TCF7: variants seen among roughly 807,000 people sequenced by gnomAD.
The protein encoded by TCF7 is transcription factor 7.
Under a neutral mutation model 46.8 loss-of-function variants are expected in TCF7, and 19 were observed. The observed-to-expected ratio is 0.41, with a 90% CI of 0.28 to 0.60. TCF7 has a LOEUF of 0.60. TCF7 is among the 20% of genes least tolerant of loss of function. The pLI, the probability that TCF7 is intolerant of heterozygous loss-of-function variation, is 0.35. For synonymous variants in TCF7, 245 were observed against 213.4 expected (o/e 1.15, Z -1.29); for missense variants, 547 against 504.6 (o/e 1.08, Z -0.81).
At chr5:134,113,127 C>A (rs1337468976), upstream of TCF7, among the ~76,000 whole-genome samples, 1 of 152,240 alleles carries the variant, frequency 6.6e-6, no homozygotes, top group Non-Finnish European at 1.5e-5. Context: ...GCCCCCCCTT[C>A]CCCGCCAATC....
Position 134,146,097 on chromosome 5 carries a change from C to T in TCF7, c.1076-127C>T, listed in dbSNP as rs1382642194. The T allele has an allele frequency of 3.7e-6, 6 of 1,600,110 alleles. No individual in the cohort carries two copies. The East Asian group carries it at 1.3e-4, about 36-fold the overall frequency. ...ATGGCAGTCTGAGGACACTGACTTA[C>T]CACCCAAGTCCCAGGAAGAGAGGAC... On this transcript the variant is annotated intron_variant, in intron 9 of 9. Coordinates refer to ENST00000342854, the MANE Select transcript of TCF7 (RefSeq NM_003202.5).
chr5:134,109,416 C>T, the TCF7 span, among the ~76,000 whole-genome samples: 63 of 152,242 alleles, frequency 4.1e-4, no homozygotes, highest in Non-Finnish European at 7.5e-4. Flanking sequence ...GCATTTGTGA[C>T]GCCGCTTGTC....
chr5:134,143,689 T>C, intron 9 of TCF7, 49 bp downstream of exon 9: 2 of 1,609,234 alleles, frequency 1.2e-6, no homozygotes, highest in Non-Finnish European at 1.7e-6. Context: ...ATGTCCCCAT[T>C]TCAAGAGCAG....
chr5:134,145,984 C>G, intron 9 of TCF7: 1 of 1,474,874 alleles, frequency 6.8e-7, no homozygotes. Flanking sequence ...GATGACAGCC[C>G]ATAGGCCTAG....
At chr5:134,144,815 A>G in intron 9 of TCF7, 3 of 1,614,188 alleles carry the variant, frequency 1.9e-6, no homozygotes, top group Non-Finnish European at 2.5e-6. Flanking sequence ...TCGCCTAAGA[A>G]ATGCCGTGCT....
At chr5:134,120,257 C>T (rs985256163) in intron 3 of TCF7, among the ~76,000 whole-genome samples, 2 of 152,220 alleles carry the variant, frequency 1.3e-5, no homozygotes, top group Admixed American at 1.3e-4. Flanking sequence ...CTCACCCAGA[C>T]AGCAGCAACA....
chr5:134,134,224 C>A (rs1466483725), intron 3 of TCF7, among the ~76,000 whole-genome samples: 1 of 152,268 alleles, frequency 6.6e-6, no homozygotes, highest in Non-Finnish European at 1.5e-5. Context: ...GACTGTCTTC[C>A]AAGAGCTGGC....
At chr5:134,143,128 G>A in intron 8 of TCF7, 28 bp downstream of exon 8, 2 of 1,576,264 alleles carry the variant, frequency 1.3e-6, no homozygotes, top group South Asian at 1.1e-5. Flanking sequence ...CACAGCAGGG[G>A]TGGGCAGGGG....
chr5:134,145,042 G>A (rs1744585782), intron 9 of TCF7: 2 of 654,750 alleles, frequency 3.1e-6, no homozygotes, highest in African/African-American at 1.8e-5. Flanking sequence ...CACAGCGCGT[G>A]GAGAAGACCA....
intron 3 of TCF7, among the ~76,000 whole-genome samples, chr5:134,121,034 G>A (rs1756503422): frequency 2.0e-5 from 3 of 152,162 alleles, no homozygotes; most frequent in African/African-American, 7.2e-5. Flanking sequence ...GGGCACGGAG[G>A]GGTCTGGAGG....
At chr5:134,121,730 G>C (rs929526227) in intron 3 of TCF7, among the ~76,000 whole-genome samples, 1 of 152,168 alleles carries the variant, frequency 6.6e-6, no homozygotes, top group Non-Finnish European at 1.5e-5. Context: ...GCTCTGGCTT[G>C]CTCCCGGGCT....
chr5:134,143,019 G>A lies in TCF7; in HGVS notation c.945G>A (p.Gln315=). Residue 315 remains glutamine, a synonymous_variant, in exon 8 of 10, where the codon CAG becomes CAA. Coordinates refer to ENST00000342854, the MANE Select transcript of TCF7 (RefSeq NM_003202.5). The stretch of plus-strand genomic sequence containing the variant: ...GGCACGCGCTGTCGCGAGAAGAGCA[G>A]GCCAAGTACTATGAGCTGGCCCGCA... ...RRWHALSREE[Q]AKYYELARKE... 6.2e-7 allele frequency: 1 copy of A among 1,612,922 alleles called. No homozygotes were observed. The highest frequency in any genetic ancestry group is 8.5e-7 in the Non-Finnish European group (1 of 1,179,462).
At chr5:134,128,214 C>T (rs1320991098) in intron 3 of TCF7, among the ~76,000 whole-genome samples, 1 of 152,232 alleles carries the variant, frequency 6.6e-6, no homozygotes, top group African/African-American at 2.4e-5. Context: ...ATTTCACTCT[C>T]TGCCCTGTTT....
chr5:134,125,895 G>A (rs152406), intron 3 of TCF7, among the ~76,000 whole-genome samples: 5,367 of 152,352 alleles, frequency 0.035, 132 homozygotes, highest in Non-Finnish European at 0.053. Context: ...TTGCCCTGCT[G>A]TGTGGGTTCC....
upstream of TCF7, among the ~76,000 whole-genome samples, chr5:134,109,938 G>C (rs1363867155): frequency 6.6e-6 from 1 of 152,130 alleles, no homozygotes; most frequent in Admixed American, 6.5e-5. Context: ...TGGTACACCC[G>C]GCAGCCTAGG....
intron 5 of TCF7, chr5:134,141,099 AGCACCACAGAG>A (rs758489153): frequency 4.2e-4 from 124 of 292,314 alleles, no homozygotes; most frequent in Admixed American, 1.5e-3. Flanking sequence ...CGTGCAGCAG[AGCACCACAGAG>A]GCCAGGACAG....
intron 8 of TCF7, chr5:134,143,378 C>T: frequency 1.3e-6 from 1 of 789,424 alleles, no homozygotes; most frequent in Non-Finnish European, 2.3e-6. Flanking sequence ...CACCTCCTTC[C>T]ATTCAAACTG....
chr5:134,125,065 G>T (rs933582385), intron 3 of TCF7, among the ~76,000 whole-genome samples: 1 of 152,192 alleles, frequency 6.6e-6, no homozygotes. Context: ...CTGTGTGCTG[G>T]GTGGGCCTCA....
chr5:134,145,405 G>T, intron 9 of TCF7: 1 of 562,300 alleles, frequency 1.8e-6, no homozygotes, highest in Non-Finnish European at 3.5e-6. Flanking sequence ...TGGGGGAGAG[G>T]ACCCAGGGGG....
Sources: gnomAD v4.1 joint callset for allele counts (sites outside exome capture counted in the v4.1 genomes callset) on GRCh38, gnomAD v4.1.1 for gene constraint, MANE v1.5 for transcripts, NCBI Gene and HGNC (gene_info 2026-07-23, HGNC 2026-07-21) for gene names.